DNMBP: variants seen among roughly 807,000 people sequenced by gnomAD.
The protein encoded by DNMBP is dynamin-binding protein.
DNMBP carries 87 observed loss-of-function variants against 150.0 expected under a neutral mutation model. The observed-to-expected ratio is 0.58, with a 90% CI of 0.49 to 0.69. DNMBP has a LOEUF of 0.69. DNMBP is among the 30% of genes least tolerant of loss of function. The probability of loss-of-function intolerance (pLI) is 0.00; values close to 1 mark genes in which losing one functional copy is unlikely to be tolerated. For missense variants in DNMBP, 1,774 were observed against 1,949.0 expected (o/e 0.91, Z 1.69); for synonymous variants, 711 against 750.4 (o/e 0.95, Z 0.86).
chr10:100,007,392 G>GCA (rs1229612935), intron 1 of DNMBP, among the ~76,000 whole-genome samples: 1 of 151,802 alleles, frequency 6.6e-6, no homozygotes, highest in Non-Finnish European at 1.5e-5. Flanking sequence ...CACGACCCCG[G>GCA]CACACACAGG....
Position 99,940,135 on chromosome 10 carries a change from T to C in DNMBP, c.2260+15079A>G, listed in dbSNP as rs151015731. Among the ~76,000 whole-genome samples the C allele has an allele frequency of 5.3e-4, 81 of 152,280 alleles. No individual in the cohort carries two copies. The East Asian group carries it at 8.9e-3, about 17-fold the overall frequency. On this transcript the variant is annotated intron_variant, in intron 4 of 16. Transcript: ENST00000324109. The stretch of plus-strand genomic sequence containing the variant: ...TTGTGCAGTGGGCAGGAAGAACCCA[T>C]TGGGTGATTACAATGGGGTACACAG...
intron 3 of DNMBP, among the ~76,000 whole-genome samples, chr10:99,964,514 G>C (rs1358212206): frequency 6.8e-6 from 1 of 147,262 alleles, no homozygotes; most frequent in Admixed American, 6.8e-5. Flanking sequence ...TTTTAGGATA[G>C]TCAGGGGCAC....
chr10:100,004,257 AT>A (rs2063414640), intron 1 of DNMBP, among the ~76,000 whole-genome samples: 2 of 150,084 alleles, frequency 1.3e-5, no homozygotes, highest in Admixed American at 1.3e-4. Flanking sequence ...AAGAAAAAAT[AT>A]ATATATATAA....
At chr10:99,945,298 T>C (rs2040344736) in intron 4 of DNMBP, among the ~76,000 whole-genome samples, 1 of 152,184 alleles carries the variant, frequency 6.6e-6, no homozygotes, top group South Asian at 2.1e-4. Context: ...AATCCACCAA[T>C]GTCAAGTTGA....
chr10:99,998,654 A>C (rs2040979227), intron 1 of DNMBP, among the ~76,000 whole-genome samples: 1 of 152,184 alleles, frequency 6.6e-6, no homozygotes, highest in African/African-American at 2.4e-5. Context: ...GATTCAAACA[A>C]ATCAATTGTT....
chr10:99,925,342 T>C (rs1297331218), intron 4 of DNMBP, among the ~76,000 whole-genome samples: 1 of 152,208 alleles, frequency 6.6e-6, no homozygotes, highest in Non-Finnish European at 1.5e-5. Context: ...CTGAGCTCTA[T>C]CTCTTCATTT....
chr10:99,971,325 T>TCCTG (rs2040674857), intron 2 of DNMBP, among the ~76,000 whole-genome samples: 2 of 151,674 alleles, frequency 1.3e-5, no homozygotes, highest in African/African-American at 4.8e-5. Flanking sequence ...CTTCCTTCCT[T>TCCTG]CCTTTCTTTC....
chr10:99,879,198 C>T (rs1212153093), intron 16 of DNMBP, among the ~76,000 whole-genome samples: 1 of 152,088 alleles, frequency 6.6e-6, no homozygotes, highest in Non-Finnish European at 1.5e-5. Context: ...GGCACAATGG[C>T]TCACGCCTGT....
chr10:99,897,585 G>T (rs2039674188), intron 9 of DNMBP, among the ~76,000 whole-genome samples: 1 of 152,296 alleles, frequency 6.6e-6, no homozygotes, highest in South Asian at 2.1e-4. Flanking sequence ...TATTACAGAT[G>T]CCTTATTTCC....
intron 1 of DNMBP, among the ~76,000 whole-genome samples, chr10:100,006,933 G>GTGAA (rs1266917981): frequency 6.6e-6 from 1 of 152,122 alleles, no homozygotes. Flanking sequence ...GAGCGACATA[G>GTGAA]TGAAACCCCG....
At position 99,956,932 on chromosome 10, in the gene DNMBP, C is replaced by G; in HGVS notation, c.542G>C (p.Gly181Ala). The G allele has an allele frequency of 1.2e-6, 2 of 1,614,240 alleles. No homozygotes were observed. The highest frequency in any genetic ancestry group is 2.2e-5 in the South Asian group (2 of 91,084). Residue 181 changes from glycine (G) to alanine (A), a missense_variant, in exon 4 of 17, where the codon GGC (glycine) becomes GCC (alanine). Coordinates refer to ENST00000324109, the MANE Select transcript of DNMBP (RefSeq NM_015221.4). Reference protein sequence around the residue: ...VITIIGVPEPGWFEGELEGRR... With the variant: ...VITIIGVPEPAWFEGELEGRR... ...GCCCTCTAACTCCCCTTCAAACCAG[C>G]CTGGTTCAGGAACTCCAATAATGGT...
intron 4 of DNMBP, among the ~76,000 whole-genome samples, chr10:99,931,648 GGCCA>G (rs1157293520): frequency 6.6e-6 from 1 of 152,068 alleles, no homozygotes; most frequent in Admixed American, 6.6e-5. Flanking sequence ...TCGAAAATGA[GGCCA>G]GAAATCAAAA....
At chr10:99,957,286 T>C (rs2040511792) in intron 3 of DNMBP, 81 bp from the exon 4 acceptor site, 1 of 1,244,870 alleles carries the variant, frequency 8.0e-7, no homozygotes, top group African/African-American at 1.5e-5. Flanking sequence ...CAACCTCTCA[T>C]TTTAAACAGC....
intron 3 of DNMBP, 123 bp downstream of exon 3, chr10:99,968,992 G>T: frequency 2.9e-6 from 3 of 1,051,978 alleles, no homozygotes; most frequent in Non-Finnish European, 4.2e-6. Flanking sequence ...CACGCTATTT[G>T]GTATTGCCGA....
intron 12 of DNMBP, 73 bp downstream of exon 12, chr10:99,888,752 C>A: frequency 6.3e-7 from 1 of 1,582,100 alleles, no homozygotes; most frequent in African/African-American, 1.3e-5. Context: ...GTCCGTGGAA[C>A]TGACTTGCAT....
intron 8 of DNMBP, 29 bp downstream of exon 8, chr10:99,898,712 AGC>A (rs1318045464): frequency 6.2e-7 from 1 of 1,611,798 alleles, no homozygotes; most frequent in Non-Finnish European, 8.5e-7. Context: ...AGAAGAAATG[AGC>A]GCATACATCA....
chr10:99,998,190 G>A (rs1376513872), intron 1 of DNMBP, among the ~76,000 whole-genome samples: 9 of 146,700 alleles, frequency 6.1e-5, no homozygotes, highest in African/African-American at 1.8e-4. Flanking sequence ...AGCAGTGATC[G>A]CGCCACTGTA....
At chr10:99,904,199 G>A (rs2039788266) in intron 6 of DNMBP, among the ~76,000 whole-genome samples, 1 of 152,080 alleles carries the variant, frequency 6.6e-6, no homozygotes, top group Admixed American at 6.6e-5. Context: ...AGGCTGCAGT[G>A]AGCTGTGATC....
Position 99,971,973 on chromosome 10 carries a change from T to A in DNMBP, c.145+7A>T, listed in dbSNP as rs950218903. 6.2e-7 allele frequency: 1 copy of A among 1,611,460 alleles called. No individual in the cohort carries two copies. Among genetic ancestry groups the A allele is most frequent in the African/African-American group, 1.3e-5 (1 of 74,786 alleles). The stretch of plus-strand genomic sequence containing the variant: ...GGCCTGTGGTCCACTATGAGTCTCT[T>A]ACTTACCTGTAACATCCTCCTTCTT... On this transcript the variant is annotated splice_region_variant and intron_variant, in intron 2 of 16. Transcript: ENST00000324109.
Sources: allele counts gnomAD v4.1 joint callset (sites outside exome capture counted in the v4.1 genomes callset), GRCh38; gene constraint gnomAD v4.1.1; transcripts MANE v1.5; gene names NCBI Gene and HGNC (gene_info 2026-07-23, HGNC 2026-07-21).